The following PCGF3 variants were observed in gnomAD, a reference collection of about 807,000 sequenced individuals.
PCGF3 encodes the protein polycomb group ring finger 3, also known as polycomb group RING finger protein 3.
Under a neutral mutation model 33.1 loss-of-function variants are expected in PCGF3, and 7 were observed. That is an observed-to-expected ratio of 0.21 (90% CI 0.12 to 0.40). The LOEUF is 0.40. PCGF3 is among the 10% of genes least tolerant of loss of function. The pLI is 1.00. For missense variants in PCGF3, 211 were observed against 313.3 expected, an observed-to-expected ratio of 0.67 and a Z score of 2.46; for synonymous variants, 153 against 121.3, an observed-to-expected ratio of 1.26 and a Z score of -1.72.
chr4:747,936 T>C (rs933434773), intron 8 of PCGF3, among the ~76,000 whole-genome samples: 5 of 152,114 alleles, frequency 3.3e-5, no homozygotes, highest in Admixed American at 1.3e-4. Flanking sequence ...ATGGCAGATA[T>C]AAAACATGGC....
chr4:758,594 T>C (rs1744894527), intron 8 of PCGF3, among the ~76,000 whole-genome samples: 1 of 124,542 alleles, frequency 8.0e-6, no homozygotes, highest in South Asian at 2.9e-4. Context: ...TCCCCCGAGT[T>C]CTTCTCCATC....
Position 722,414 on chromosome 4 carries a change from C to T in PCGF3, c.-189-8216C>T, listed in dbSNP as rs558301717. 1.1e-4 allele frequency: 22 copies of T among 209,022 alleles called. No individual in the cohort carries two copies. The East Asian group carries it at 2.2e-3, about 21-fold the overall frequency. 12.9% of individuals were successfully genotyped at this position (209,022 alleles called of 1,614,324 possible). A position where few individuals can be genotyped will look rare whatever the true frequency, so the allele number is the denominator to read the frequency against. ...CCCAGGCAGCGGCGTGGCTGGCGTGCGGAGTGTTTTGGGGGTGTCTGAGCT... is the reference window on the plus strand; with the variant it reads ...CCCAGGCAGCGGCGTGGCTGGCGTGTGGAGTGTTTTGGGGGTGTCTGAGCT... On this transcript the variant is annotated intron_variant, in intron 1 of 10. Coordinates refer to ENST00000362003, the Ensembl canonical transcript of PCGF3.
rs186991120 is a variant in PCGF3 at position 739,902 on chromosome 4, C to T, written c.262+2381C>T. Among the ~76,000 whole-genome samples, 585 of 152,350 alleles carry T rather than the reference C, an allele frequency of 3.8e-3. 4 individuals carry two copies. The highest frequency in any genetic ancestry group is 4.0e-3 in the Non-Finnish European group (275 of 68,024). ...ACCCCCAGGGCACGGTGGCCCCGAGCCGCCTCCCTGACCAGCTCCTGTCTC... is the reference window on the plus strand; with the variant it reads ...ACCCCCAGGGCACGGTGGCCCCGAGTCGCCTCCCTGACCAGCTCCTGTCTC... On this transcript the variant is annotated intron_variant, in intron 6 of 10. Coordinates refer to ENST00000362003, the Ensembl canonical transcript of PCGF3.
intron 4 of PCGF3, chr4:734,154 A>C: frequency 6.6e-7 from 1 of 1,506,706 alleles, no homozygotes; most frequent in Non-Finnish European, 9.0e-7. Context: ...TGTGTTCTTC[A>C]CACCTGATGT....
intron 1 of PCGF3, among the ~76,000 whole-genome samples, chr4:712,392 G>T (rs1742608780): frequency 6.6e-6 from 1 of 151,990 alleles, no homozygotes; most frequent in African/African-American, 2.4e-5. Flanking sequence ...ATATTGACTT[G>T]CTTTTTTTTA....
chr4:723,194 G>A (rs1428300020), intron 1 of PCGF3, among the ~76,000 whole-genome samples: 1 of 152,258 alleles, frequency 6.6e-6, no homozygotes. Context: ...GCGCGGGGAT[G>A]TGTCTGAAAA....
At chr4:760,099 TC>T (rs1339110483) in intron 8 of PCGF3, among the ~76,000 whole-genome samples, 18 of 152,198 alleles carry the variant, frequency 1.2e-4, no homozygotes, top group Non-Finnish European at 2.9e-5. Flanking sequence ...TCCACTTATC[TC>T]CCCAGTGGCT....
In PCGF3 at chr4:720,785, G is replaced by A. The variant is rs186030762; in HGVS notation, c.-189-9845G>A. ...ACGTGAATGGATGTGGTTCCGACGTGACTGCGCTGGCATGGGAAGCAGAGG... is the reference window on the plus strand; with the variant it reads ...ACGTGAATGGATGTGGTTCCGACGTAACTGCGCTGGCATGGGAAGCAGAGG... On this transcript the variant is annotated intron_variant, in intron 1 of 10. Coordinates refer to ENST00000362003, the Ensembl canonical transcript of PCGF3. This position sits in a 1 kb window ranked among gnomAD's most constrained non-coding sequence, Gnocchi z 5.6. 3.9e-3 allele frequency among the ~76,000 whole-genome samples: 599 copies of A among 152,264 alleles called. 1 individual carries two copies. Among genetic ancestry groups the A allele is most frequent in the Non-Finnish European group, 6.4e-3 (435 of 68,002 alleles).
chr4:758,264 C>T (rs1238345382), intron 8 of PCGF3, among the ~76,000 whole-genome samples: 1 of 152,102 alleles, frequency 6.6e-6, no homozygotes, highest in Non-Finnish European at 1.5e-5. Flanking sequence ...CGGGCACCCC[C>T]TTTCTCCCTG....
At chr4:741,909 C>A (rs1744109315) in intron 6 of PCGF3, among the ~76,000 whole-genome samples, 1 of 152,198 alleles carries the variant, frequency 6.6e-6, no homozygotes, top group Non-Finnish European at 1.5e-5. Flanking sequence ...CACGGCTCTT[C>A]TGCAGACTGA....
At chr4:726,091 C>A (rs1223065023) in intron 1 of PCGF3, among the ~76,000 whole-genome samples, 1 of 152,226 alleles carries the variant, frequency 6.6e-6, no homozygotes, top group East Asian at 1.9e-4. Flanking sequence ...GGGGCAGAGG[C>A]TGGCGGGCAG....
chr4:713,549 A>AGGGCTGTTGCCTGGTGG (rs1742675841), intron 1 of PCGF3, among the ~76,000 whole-genome samples: 1 of 128,880 alleles, frequency 7.8e-6, no homozygotes, highest in Non-Finnish European at 1.6e-5. Context: ...TGGCCTCGTC[A>AGGGCTGTTGCCTGGTGG]GGGCTGTGGC....
chr4:728,739 C>T (rs1462594274), intron 1 of PCGF3, among the ~76,000 whole-genome samples: 3 of 152,142 alleles, frequency 2.0e-5, no homozygotes, highest in Admixed American at 6.5e-5. Flanking sequence ...TGTCAGGAGC[C>T]GCCAGCTGTA....
chr4:719,638 G>A (rs907925865), intron 1 of PCGF3, among the ~76,000 whole-genome samples: 1 of 152,276 alleles, frequency 6.6e-6, no homozygotes, highest in Non-Finnish European at 1.5e-5. Context: ...AAGGGATGGT[G>A]TGTGAGTTTG....
Position 765,925 on chromosome 4 carries a change from G to A in PCGF3, c.682-107G>A, listed in dbSNP as rs1217523955. On this transcript the variant is annotated intron_variant, in intron 10 of 10. Coordinates refer to ENST00000362003, the Ensembl canonical transcript of PCGF3. Reference sequence around the variant, plus strand: ...AGGGTCTCTGTGCAGCCCTGCATGTGGACTGTGCCTCACGGGACGTGATTC... The same window carrying A: ...AGGGTCTCTGTGCAGCCCTGCATGTAGACTGTGCCTCACGGGACGTGATTC... The A allele has an allele frequency of 1.1e-5, 11 of 964,156 alleles. No homozygotes were observed. In the Admixed American group the frequency reaches 1.6e-4, roughly 14 times the overall value. The allele number at this position is 964,156 out of a possible 1,614,324, so 59.7% of individuals were successfully genotyped here.
intron 1 of PCGF3, among the ~76,000 whole-genome samples, chr4:716,314 G>A (rs1259716228): frequency 2.2e-5 from 3 of 136,566 alleles, no homozygotes; most frequent in Admixed American, 7.1e-5. Context: ...TCGGTGCTGG[G>A]ACCCTGTGGA....
At chr4:735,917 TGGG>T (rs1278112708) in intron 5 of PCGF3, among the ~76,000 whole-genome samples, 3 of 152,224 alleles carry the variant, frequency 2.0e-5, no homozygotes, top group Non-Finnish European at 4.4e-5. Context: ...CGTTCAGATT[TGGG>T]GGGTTGCTCC....
chr4:728,461 CTG>C, intron 1 of PCGF3, among the ~76,000 whole-genome samples: 1 of 151,880 alleles, frequency 6.6e-6, no homozygotes, highest in Non-Finnish European at 1.5e-5. Context: ...CGTAAGTAAT[CTG>C]GGGATGGCGT....
At chr4:725,949 CTG>C (rs1338205350) in intron 1 of PCGF3, among the ~76,000 whole-genome samples, 1 of 152,202 alleles carries the variant, frequency 6.6e-6, no homozygotes, top group South Asian at 2.1e-4. Flanking sequence ...GCCAGGCTCT[CTG>C]TGTCTCCGAT....
Sources: allele counts gnomAD v4.1 joint callset (sites outside exome capture counted in the v4.1 genomes callset), GRCh38; gene constraint gnomAD v4.1.1; non-coding constraint Gnocchi (gnomAD v3.1); transcripts MANE v1.5; gene names NCBI Gene and HGNC (gene_info 2026-07-23, HGNC 2026-07-21).